Variants in SPMIP10 observed in about 807,000 individuals in gnomAD.
SPMIP10 encodes sperm-associated microtubule inner protein 10.
chr5:126,633,032 T>TATATATATATATATATATAA, the SPMIP10 span, among the ~76,000 whole-genome samples: 47 of 146,470 alleles, frequency 3.2e-4, no homozygotes, highest in Middle Eastern at 3.6e-3. Context: ...TATATATATA[T>TATATATATATATATATATAA]AATTTAGTAT....
the SPMIP10 span, among the ~76,000 whole-genome samples, chr5:126,633,928 G>T: frequency 6.6e-6 from 1 of 152,086 alleles, no homozygotes; most frequent in Non-Finnish European, 1.5e-5. Context: ...CAAAGTGCTA[G>T]GATTACAGGC....
chr5:126,632,655 G>C, the SPMIP10 span: 2 of 1,545,482 alleles, frequency 1.3e-6, no homozygotes, highest in Admixed American at 3.3e-5. Flanking sequence ...GAATCTGAAG[G>C]TATTTCCCCA....
the SPMIP10 span, chr5:126,631,786 T>G: frequency 6.2e-7 from 1 of 1,612,460 alleles, no homozygotes; most frequent in Admixed American, 1.7e-5. Flanking sequence ...CACTAACAAC[T>G]GCTCTGATGA....
chr5:126,631,716 C>G, the SPMIP10 span: 1 of 1,522,618 alleles, frequency 6.6e-7, no homozygotes, highest in Non-Finnish European at 9.1e-7. Flanking sequence ...GATGAGTATT[C>G]CATCCATTGC....
the SPMIP10 span, among the ~76,000 whole-genome samples, chr5:126,633,301 T>C: frequency 6.6e-6 from 1 of 152,146 alleles, no homozygotes; most frequent in Non-Finnish European, 1.5e-5. Context: ...ATATTTTGGC[T>C]AGTTTACACA....
At chr5:126,632,851 G>A in the SPMIP10 span, among the ~76,000 whole-genome samples, 1 of 151,762 alleles carries the variant, frequency 6.6e-6, no homozygotes, top group Non-Finnish European at 1.5e-5. Context: ...GCTGGGCATG[G>A]TGGCGGGCAG....
At chr5:126,632,233 G>C in the SPMIP10 span, among the ~76,000 whole-genome samples, 1 of 118,498 alleles carries the variant, frequency 8.4e-6, no homozygotes, top group Non-Finnish European at 1.6e-5. Context: ...ACCCCAGCTG[G>C]GCATGATAAT....
At chr5:126,633,896 C>T in the SPMIP10 span, among the ~76,000 whole-genome samples, 4 of 151,330 alleles carry the variant, frequency 2.6e-5, no homozygotes, top group African/African-American at 7.3e-5. Flanking sequence ...TGGGCCCAAG[C>T]GATTCTCCTG....
At chr5:126,636,160 T>G in the SPMIP10 span, 15 of 1,614,070 alleles carry the variant, frequency 9.3e-6, no homozygotes, top group Non-Finnish European at 3.4e-6. Flanking sequence ...AAATAAAAAT[T>G]GCAGATATGC....
At chr5:126,631,932 TTA>T in the SPMIP10 span, 1 of 682,800 alleles carries the variant, frequency 1.5e-6, no homozygotes, top group African/African-American at 1.8e-5. Flanking sequence ...ACAGAAAGCT[TTA>T]TGTTCCAGAG....
At chr5:126,632,258 TAAAAAAAAAAA>T in the SPMIP10 span, among the ~76,000 whole-genome samples, 11 of 57,188 alleles carry the variant, frequency 1.9e-4, 1 homozygote, top group South Asian at 9.6e-4. Flanking sequence ...TCCATCTCAT[TAAAAAAAAAAA>T]AAAAAAAAAA....
At chr5:126,634,642 CT>C in the SPMIP10 span, among the ~76,000 whole-genome samples, 2 of 152,116 alleles carry the variant, frequency 1.3e-5, no homozygotes, top group African/African-American at 4.8e-5. Context: ...CATCAAAACA[CT>C]TATTCTTGAC....
At chr5:126,632,443 C>T in the SPMIP10 span, 1 of 692,502 alleles carries the variant, frequency 1.4e-6, no homozygotes, top group Non-Finnish European at 2.6e-6. Context: ...CCTGCAACAG[C>T]AGGGGACCAA....
chr5:126,633,152 G>A, the SPMIP10 span, among the ~76,000 whole-genome samples: 5 of 151,428 alleles, frequency 3.3e-5, no homozygotes, highest in Non-Finnish European at 5.9e-5. Context: ...ATTATATACC[G>A]AAGAATTTCA....
chr5:126,633,910 C>T, the SPMIP10 span, among the ~76,000 whole-genome samples: 1 of 152,082 alleles, frequency 6.6e-6, no homozygotes, highest in South Asian at 2.1e-4. Flanking sequence ...TCTCCTGCCT[C>T]AGCCTCCCAA....
the SPMIP10 span, among the ~76,000 whole-genome samples, chr5:126,634,428 C>G: frequency 6.6e-6 from 1 of 152,130 alleles, no homozygotes; most frequent in Non-Finnish European, 1.5e-5. Flanking sequence ...GACTCCATCT[C>G]AAACAAATAA....
chr5:126,635,983 A>G, the SPMIP10 span: 1 of 1,480,606 alleles, frequency 6.8e-7, no homozygotes, highest in Admixed American at 1.7e-5. Flanking sequence ...TTAATCTAAC[A>G]AGAAAATGAT....
chr5:126,636,115 A>G, the SPMIP10 span: 5 of 1,614,144 alleles, frequency 3.1e-6, no homozygotes, highest in South Asian at 1.1e-5. Context: ...GCCATGGGGA[A>G]GATCGTAAAG....
At chr5:126,635,944 G>A in the SPMIP10 span, 47 of 1,142,880 alleles carry the variant, frequency 4.1e-5, no homozygotes, top group Non-Finnish European at 5.9e-5. Context: ...TTACAGGCAT[G>A]AGCCATGGCT....
Sources: allele counts gnomAD v4.1 joint callset (sites outside exome capture counted in the v4.1 genomes callset), GRCh38; gene constraint gnomAD v4.1.1; transcripts MANE v1.5; gene names NCBI Gene and HGNC (gene_info 2026-07-23, HGNC 2026-07-21).